Variants in FAAP100 observed in about 807,000 individuals in gnomAD.
The protein encoded by FAAP100 is Fanconi anemia core complex-associated protein 100.
FAAP100 carries 46 observed loss-of-function variants against 65.8 expected under a neutral mutation model. The observed-to-expected ratio is 0.70, with a 90% confidence interval of 0.55 to 0.89. The LOEUF is 0.89. FAAP100 is among the 40% of genes least tolerant of loss of function. The pLI is 0.00. For missense variants in FAAP100, 1,165 were observed against 1,196.7 expected, an observed-to-expected ratio of 0.97 and a Z score of 0.39; for synonymous variants, 663 against 555.1, an observed-to-expected ratio of 1.19 and a Z score of -2.73.
intron 7 of FAAP100, among the ~76,000 whole-genome samples, chr17:81,542,396 T>G (rs992927096): frequency 6.6e-6 from 1 of 150,972 alleles, no homozygotes; most frequent in East Asian, 1.9e-4. Context: ...AACAAACAAA[T>G]AAAACTAAAT....
At position 81,550,931 on chromosome 17, in the gene FAAP100, G is replaced by A. The variant is rs1450896741; in HGVS notation, c.563C>T (p.Pro188Leu). 1.9e-6 allele frequency: 3 copies of A among 1,612,370 alleles called. No homozygotes were observed. The highest frequency in any genetic ancestry group is 2.5e-6 in the Non-Finnish European group (3 of 1,179,754). Residue 188 changes from proline (P) to leucine (L), a missense_variant, in exon 3 of 9, where the codon CCT becomes CTT. By Grantham distance (98) the Pro-to-Leu change is moderately conservative. Coordinates refer to ENST00000327787, the MANE Select transcript of FAAP100 (RefSeq NM_025161.6). The part of the protein sequence containing the change: ...YTPPAGVPGK[P>L]AAPHFLPVLC... ...CACTGGAAGGAAGTGGGGGGCTGCA[G>A]GCTTTCCTGGGACCCCGGCTGGGGG...
At chr17:81,546,763 G>A (rs1181909273) in intron 5 of FAAP100, 146 bp downstream of exon 5, 1 of 852,534 alleles carries the variant, frequency 1.2e-6, no homozygotes, top group Admixed American at 3.7e-5. Flanking sequence ...AGGCCCAGAG[G>A]AGATCAATTG....
At position 81,550,412 on chromosome 17, in the gene FAAP100, C is replaced by G. The variant is rs755000149; in HGVS notation, c.1082G>C (p.Ser361Thr). ...CACCACACAGAGGTCAGAAGGGGTG[C>G]TGTGGTACACGCGGCCACCCCCGCC... is the stretch of plus-strand genomic sequence containing the variant. ...ACGGGGRVYH[S>T]TPSDLCVVDL... The change falls in exon 3 of 9, where the codon AGC (serine) becomes ACC (threonine). Residue 361 changes from serine to threonine, a missense_variant. By Grantham distance (58) the Ser-to-Thr change is moderately conservative. Transcript: ENST00000327787. The G allele has an allele frequency of 4.3e-6, 7 of 1,612,586 alleles. No individual in the cohort carries two copies. Among genetic ancestry groups the G allele is most frequent in the Non-Finnish European group, 5.9e-6 (7 of 1,179,962 alleles).
At chr17:81,548,517 T>A (rs935149886) in intron 4 of FAAP100, 1 of 156,330 alleles carries the variant, frequency 6.4e-6, no homozygotes, top group African/African-American at 2.4e-5. Context: ...GGCAGGCAAA[T>A]CACCTGAATC....
intron 6 of FAAP100, among the ~76,000 whole-genome samples, chr17:81,545,542 G>A (rs926797851): frequency 1.3e-5 from 2 of 152,166 alleles, no homozygotes; most frequent in Admixed American, 6.5e-5. Context: ...GCCAGTCCTC[G>A]GGGATCTGAG....
chr17:81,542,122 C>T (rs559523755), intron 7 of FAAP100, among the ~76,000 whole-genome samples: 2 of 127,816 alleles, frequency 1.6e-5, no homozygotes, highest in African/African-American at 3.1e-5. Context: ...AGCCGAGATC[C>T]CGCCACTGCA....
At chr17:81,548,155 A>C (rs900371506) in intron 4 of FAAP100, 11 of 596,566 alleles carry the variant, frequency 1.8e-5, no homozygotes, top group African/African-American at 1.7e-4. Flanking sequence ...ACCCGGAGTG[A>C]CAGGCCCCTC....
Position 81,550,435 on chromosome 17 carries a change from G to A in FAAP100, c.1059C>T (p.Gly353=), listed in dbSNP as rs368906561. Residue 353 remains glycine (G), a synonymous_variant, in exon 3 of 9, where the codon GGC becomes GGT. Transcript: ENST00000327787. Reference sequence around the variant, plus strand: ...TGCTGTGGTACACGCGGCCACCCCCGCCACAGGCAGCGCAGAGCACAGGGC... The same window carrying A: ...TGCTGTGGTACACGCGGCCACCCCCACCACAGGCAGCGCAGAGCACAGGGC... The part of the protein sequence containing the change: ...LPGPVLCAAC[G]GGGRVYHSTP... 812 of 1,612,516 alleles carry A rather than the reference G, an allele frequency of 5.0e-4. No individual in the cohort carries two copies. The highest frequency in any genetic ancestry group is 8.2e-4 in the Middle Eastern group (5 of 6,062).
chr17:81,544,996 C>T (rs1179871180), intron 6 of FAAP100, among the ~76,000 whole-genome samples: 3 of 152,170 alleles, frequency 2.0e-5, no homozygotes, highest in Admixed American at 1.3e-4. Context: ...TGGTGAAACC[C>T]CCGTCTCTAC....
chr17:81,541,680 C>G (rs1303464443), intron 7 of FAAP100, among the ~76,000 whole-genome samples: 1 of 152,252 alleles, frequency 6.6e-6, no homozygotes, highest in Non-Finnish European at 1.5e-5. Context: ...AAGAGCCACA[C>G]TCTGTGCAGA....
chr17:81,540,631 A>G lies in FAAP100; in HGVS notation c.*188T>C, dbSNP rs888859865. On this transcript the variant is annotated 3_prime_UTR_variant, in exon 9 of 9. Transcript: ENST00000327787. ...TCAGAGCCCGCCTCGGTTGCTCCCA[A>G]TCAGAATCTGCTTTGTGCTCCACGG... The G allele has an allele frequency of 1.3e-4, 99 of 770,418 alleles. No homozygotes were observed. Among genetic ancestry groups the G allele is most frequent in the Middle Eastern group, 1.2e-3 (3 of 2,456 alleles). 47.7% of individuals were successfully genotyped at this position (770,418 alleles called of 1,614,324 possible). A position where few individuals can be genotyped will look rare whatever the true frequency, so the allele number is the denominator to read the frequency against.
chr17:81,549,041 G>GAAAAAAA (rs1163263115), intron 4 of FAAP100, among the ~76,000 whole-genome samples, 165 bp downstream of exon 4: 14 of 66,314 alleles, frequency 2.1e-4, no homozygotes, highest in African/African-American at 8.5e-4. Flanking sequence ...CTCCGTCTCA[G>GAAAAAAA]AAAAAAAAAA....
intron 2 of FAAP100, 137 bp downstream of exon 2, chr17:81,551,791 C>G: frequency 7.3e-7 from 1 of 1,379,234 alleles, no homozygotes; most frequent in South Asian, 1.7e-5. Flanking sequence ...TCCAGATAAT[C>G]GGGCAGGGAT....
chr17:81,540,791 G>C lies in FAAP100; in HGVS notation c.*28C>G. 6.7e-7 allele frequency: 1 copy of C among 1,489,618 alleles called. No individual in the cohort carries two copies. 92.3% of individuals were successfully genotyped at this position (1,489,618 alleles called of 1,614,324 possible). A position where few individuals can be genotyped will look rare whatever the true frequency, so the allele number is the denominator to read the frequency against. ...GGCTGTGACAGAGGCTGGAAGCGTGGCCAGAGCCCAGGGGCAGGCCCGCCT... is the reference window on the plus strand; with the variant it reads ...GGCTGTGACAGAGGCTGGAAGCGTGCCCAGAGCCCAGGGGCAGGCCCGCCT... On this transcript the variant is annotated 3_prime_UTR_variant, in exon 9 of 9. Coordinates refer to ENST00000327787, the MANE Select transcript of FAAP100 (RefSeq NM_025161.6).
At chr17:81,549,108 A>C in intron 4 of FAAP100, 98 bp downstream of exon 4, 2 of 1,253,890 alleles carry the variant, frequency 1.6e-6, no homozygotes, top group Non-Finnish European at 2.2e-6. Flanking sequence ...GACCGTTGCC[A>C]CCCGAGGACA....
Position 81,547,183 on chromosome 17 carries a change from G to C in FAAP100, c.1899C>G (p.Pro633=), listed in dbSNP as rs150752287. ...FLDECPSDVL[P]EQEGVCLPLS... Reference sequence around the variant, plus strand: ...GGGGCAGGCAAACACCCTCTTGCTCGGGCAGGACGTCGGAGGGGCACTCAT... The same window carrying C: ...GGGGCAGGCAAACACCCTCTTGCTCCGGCAGGACGTCGGAGGGGCACTCAT... Residue 633 remains proline, a synonymous_variant, in exon 5 of 9, where the codon CCC becomes CCG. Transcript: ENST00000327787. 7 of 1,552,302 alleles carry C rather than the reference G, an allele frequency of 4.5e-6. No homozygotes were observed. The highest frequency in any genetic ancestry group is 1.2e-5 in the South Asian group (1 of 81,724).
In FAAP100 at chr17:81,550,793, G is replaced by A. The variant is rs2033462234; in HGVS notation, c.701C>T (p.Thr234Ile). 2.5e-6 allele frequency: 4 copies of A among 1,612,648 alleles called. No individual in the cohort carries two copies. The highest frequency in any genetic ancestry group is 3.4e-6 in the Non-Finnish European group (4 of 1,179,892). The change falls in exon 3 of 9, where the codon ACC becomes ATC. Residue 234 changes from threonine (T) to isoleucine (I), a missense_variant. Physicochemically the swap from Thr to Ile is moderately conservative, Grantham distance 89. Coordinates refer to ENST00000327787, the MANE Select transcript of FAAP100 (RefSeq NM_025161.6). ...LFGLLFGADA[T>I]LLQSPVVLCG... is the part of the protein sequence containing the mutation. ...GAGGACCACAGGTGACTGCAGGAGG[G>A]TGGCATCAGCTCCAAAGAGGAGCCC... is the stretch of plus-strand genomic sequence containing the variant.
In FAAP100 at chr17:81,551,100, C is replaced by T. The variant is rs756138208; in HGVS notation, c.394G>A (p.Ala132Thr). The change falls in exon 3 of 9, where the codon GCG becomes ACG. Residue 132 changes from alanine (A) to threonine (T), a missense_variant. By Grantham distance (58) the Ala-to-Thr change is moderately conservative. Transcript: ENST00000327787. Reference protein sequence around the residue: ...ACILPDAALCAFTLLDSVLVT... With the variant: ...ACILPDAALCTFTLLDSVLVT... ...AGCACACTGTCCAGCAAGGTGAACGCGCACAGCGCAGCATCGGGAAGGATG... is the reference window on the plus strand; with the variant it reads ...AGCACACTGTCCAGCAAGGTGAACGTGCACAGCGCAGCATCGGGAAGGATG... 26 of 1,562,268 alleles carry T rather than the reference C, an allele frequency of 1.7e-5. No homozygotes were observed. The South Asian group carries it at 2.3e-4, about 14-fold the overall frequency.
At position 81,551,168 on chromosome 17, in the gene FAAP100, C is replaced by T; in HGVS notation, c.326G>A (p.Gly109Asp). ...TSQDDRDSED[G>D]DQPSPVIPVD... ...AGGGATCACGGGGGAAGGCTGGTCA[C>T]CGTCCTCGCTGTCCCTGTCATCCTG... The change falls in exon 3 of 9, where the codon GGT becomes GAT. Residue 109 changes from glycine (G) to aspartate (D), a missense_variant. Coordinates refer to ENST00000327787, the MANE Select transcript of FAAP100 (RefSeq NM_025161.6). The T allele has an allele frequency of 6.5e-7, 1 of 1,538,792 alleles. No homozygotes were observed. The highest frequency in any genetic ancestry group is 8.8e-7 in the Non-Finnish European group (1 of 1,138,714).
Sources: gnomAD v4.1 joint callset for allele counts (sites outside exome capture counted in the v4.1 genomes callset) on GRCh38, gnomAD v4.1.1 for gene constraint, MANE v1.5 for transcripts, NCBI Gene and HGNC (gene_info 2026-07-23, HGNC 2026-07-21) for gene names.